Variants in AMPH observed in about 807,000 individuals in gnomAD.
AMPH encodes the protein amphiphysin (Stiff-Mann syndrome with breast cancer 128kD autoantigen).
AMPH carries 49 observed loss-of-function variants against 99.1 expected under a neutral mutation model. That is an observed-to-expected ratio of 0.49 (90% CI 0.39 to 0.63). The LOEUF (loss-of-function observed/expected upper bound fraction) is 0.63, where lower values mean the gene tolerates loss of function less well. Among genes scored for constraint, AMPH ranks in the 20% least tolerant of loss-of-function variants. The pLI is 0.00. For missense variants in AMPH, 759 were observed against 863.4 expected (o/e 0.88, Z 1.52); for synonymous variants, 314 against 317.3 (o/e 0.99, Z 0.11).
chr7:38,466,506 AG>A (rs1787658673), intron 7 of AMPH, among the ~76,000 whole-genome samples: 1 of 151,572 alleles, frequency 6.6e-6, no homozygotes, highest in Non-Finnish European at 1.5e-5. Context: ...CTCAAACTTT[AG>A]TGTGCATGAG....
intron 1 of AMPH, among the ~76,000 whole-genome samples, chr7:38,591,644 G>A (rs1792860381): frequency 6.6e-6 from 1 of 151,992 alleles, no homozygotes; most frequent in Non-Finnish European, 1.5e-5. Flanking sequence ...TCCCAAAAGT[G>A]GAACGATTCT....
At chr7:38,475,465 T>A in intron 6 of AMPH, 49 bp from the exon 7 acceptor site, 1 of 1,189,478 alleles carries the variant, frequency 8.4e-7, no homozygotes, top group Non-Finnish European at 1.2e-6. Context: ...ACCATTTCTA[T>A]ACACAACAGC....
chr7:38,543,605 A>C (rs1790890391), intron 1 of AMPH, among the ~76,000 whole-genome samples: 1 of 152,186 alleles, frequency 6.6e-6, no homozygotes. Context: ...CTTGTGAGTT[A>C]GGTTACTATG....
chr7:38,623,145 G>C (rs1171363223), intron 1 of AMPH, among the ~76,000 whole-genome samples: 3 of 152,196 alleles, frequency 2.0e-5, no homozygotes, highest in Admixed American at 2.0e-4. Flanking sequence ...GGGTAGGAAG[G>C]AGAAATCATT....
chr7:38,406,731 CCTCTCTCTCTCTCTCTCTCTCTCTCT>C (rs56738810), intron 17 of AMPH, among the ~76,000 whole-genome samples: 1 of 80,550 alleles, frequency 1.2e-5, no homozygotes, highest in Non-Finnish European at 2.4e-5. Context: ...TCTCCCTTTC[CCTCTCTCTCTCTCTCTCTCTCTCTCT>C]CTCTCTCTCT....
chr7:38,484,516 AAG>A (rs2129017133), intron 5 of AMPH, among the ~76,000 whole-genome samples: 1 of 152,234 alleles, frequency 6.6e-6, no homozygotes, highest in South Asian at 2.1e-4. Flanking sequence ...ATTCTTAAAG[AAG>A]AGATAAAGAC....
intron 1 of AMPH, among the ~76,000 whole-genome samples, chr7:38,571,267 T>G (rs11981727): frequency 2.3e-5 from 1 of 43,686 alleles, no homozygotes; most frequent in South Asian, 6.0e-4. Flanking sequence ...AAATATATAT[T>G]TATATATATA....
chr7:38,387,246 C>T lies in AMPH; in HGVS notation c.1981-2321G>A, dbSNP rs186037977. On this transcript the variant is annotated intron_variant, in intron 20 of 20. Transcript: ENST00000356264. Reference sequence around the variant, plus strand: ...TAGTATCAATTAAAAAATTATTAGACATGGAAAAACAGGAAAATATGACCA... The same window carrying T: ...TAGTATCAATTAAAAAATTATTAGATATGGAAAAACAGGAAAATATGACCA... 1.5e-3 allele frequency among the ~76,000 whole-genome samples: 230 copies of T among 152,190 alleles called. 1 individual carries two copies. The highest frequency in any genetic ancestry group is 0.01 in the Middle Eastern group (3 of 294).
At chr7:38,565,257 T>C (rs1167024002) in intron 1 of AMPH, among the ~76,000 whole-genome samples, 5 of 152,336 alleles carry the variant, frequency 3.3e-5, no homozygotes, top group African/African-American at 1.2e-4. Context: ...TCCAAGCCCC[T>C]GTTTTCATGA....
chr7:38,530,982 ATTCCTTCCTTCCTTCCTTCTTTCTTTCT>A (rs1790377051), intron 2 of AMPH: 1 of 151,466 alleles, frequency 6.6e-6, no homozygotes, highest in South Asian at 2.1e-4. Context: ...ACTACTCCTA[ATTCCTTCCTTCCTTCCTTCTTTCTTTCT>A]TTCCTTCCTT....
chr7:38,409,616 C>T (rs1352259613), intron 17 of AMPH, among the ~76,000 whole-genome samples: 1 of 151,994 alleles, frequency 6.6e-6, no homozygotes, highest in African/African-American at 2.4e-5. Context: ...TAGTGGTGTC[C>T]CCCTCACAAC....
chr7:38,461,257 A>C, intron 11 of AMPH, 26 bp downstream of exon 11: 1 of 1,612,568 alleles, frequency 6.2e-7, no homozygotes, highest in South Asian at 1.1e-5. Context: ...TTTCATGGAC[A>C]TACCAGCCCT....
intron 2 of AMPH, among the ~76,000 whole-genome samples, chr7:38,522,299 A>G (rs564068218): frequency 6.6e-6 from 1 of 152,190 alleles, no homozygotes; most frequent in Non-Finnish European, 1.5e-5. Context: ...TAGTACACTT[A>G]TATGTGTAAT....
chr7:38,610,293 AAAG>A (rs1793599881), intron 1 of AMPH, among the ~76,000 whole-genome samples: 1 of 12,248 alleles, frequency 8.2e-5, no homozygotes, highest in Non-Finnish European at 1.6e-4. Context: ...AGAAAGAAAG[AAAG>A]AAAAGAAAAG....
intron 17 of AMPH, among the ~76,000 whole-genome samples, chr7:38,404,640 T>C (rs1784933125): frequency 6.6e-6 from 1 of 152,088 alleles, no homozygotes; most frequent in Non-Finnish European, 1.5e-5. Context: ...AATTTAAATG[T>C]CCCATCCAAA....
intron 17 of AMPH, among the ~76,000 whole-genome samples, chr7:38,414,195 G>A (rs921927072): frequency 1.3e-5 from 2 of 152,220 alleles, no homozygotes; most frequent in Non-Finnish European, 2.9e-5. Context: ...ATTCTGATAT[G>A]TATATATTTG....
intron 1 of AMPH, among the ~76,000 whole-genome samples, chr7:38,619,725 T>A (rs565029833): frequency 1.2e-4 from 18 of 152,298 alleles, no homozygotes; most frequent in Admixed American, 1.0e-3. Context: ...CAGGAACAAC[T>A]ATGGGCCAAT....
intron 11 of AMPH, among the ~76,000 whole-genome samples, chr7:38,440,876 A>T (rs778957329): frequency 6.6e-6 from 1 of 152,208 alleles, no homozygotes; most frequent in Non-Finnish European, 1.5e-5. Context: ...CAGAGAGACA[A>T]TGGAAAACAA....
chr7:38,591,309 T>C (rs1380412629), intron 1 of AMPH, among the ~76,000 whole-genome samples: 1 of 145,862 alleles, frequency 6.9e-6, no homozygotes, highest in Non-Finnish European at 1.5e-5. Flanking sequence ...TTTTTTGAGA[T>C]GGAGTTCCTC....
Sources: gnomAD v4.1 joint callset for allele counts (sites outside exome capture counted in the v4.1 genomes callset) on GRCh38, gnomAD v4.1.1 for gene constraint, MANE v1.5 for transcripts, NCBI Gene and HGNC (gene_info 2026-07-23, HGNC 2026-07-21) for gene names.